RPAP1: variants seen among roughly 807,000 people sequenced by gnomAD.
RPAP1 encodes RNA polymerase II associated protein 1.
A neutral mutation model predicts 142.4 loss-of-function variants in RPAP1; 109 were observed. The observed-to-expected ratio is 0.77, with a 90% CI of 0.66 to 0.90. RPAP1 has a LOEUF of 0.90. Among genes scored for constraint, RPAP1 ranks in the 40% least tolerant of loss-of-function variants. The pLI, the probability that RPAP1 is intolerant of heterozygous loss-of-function variation, is 0.00. For synonymous variants in RPAP1, 704 were observed against 738.9 expected (o/e 0.95, Z 0.77); for missense variants, 1,546 against 1,751.7 (o/e 0.88, Z 2.10).
intron 3 of RPAP1, 101 bp downstream of exon 3, chr15:41,536,400 T>G: frequency 6.7e-7 from 1 of 1,500,856 alleles, no homozygotes; most frequent in Non-Finnish European, 9.1e-7. Context: ...AAAGTCTACC[T>G]TTCTGAAGCA....
chr15:41,535,398 T>G, intron 5 of RPAP1, 114 bp downstream of exon 5: 232 of 1,417,898 alleles, frequency 1.6e-4, no homozygotes, highest in Middle Eastern at 2.6e-4. Flanking sequence ...TCAGACTACT[T>G]GAGATGGCTC....
At position 41,527,290 on chromosome 15, in the gene RPAP1, A is replaced by T; in HGVS notation, c.1623T>A (p.Ala541=). ...ARHDVIKGLL[A]TSLLPRLRYV... ...AGCGCAGCCGAGGCAGCAGGCTGGTAGCCAGGAGCCCCTGGGAGTTGGAGA... is the reference window on the plus strand; with the variant it reads ...AGCGCAGCCGAGGCAGCAGGCTGGTTGCCAGGAGCCCCTGGGAGTTGGAGA... Residue 541 remains alanine (A), a synonymous_variant, in exon 13 of 25, where the codon GCT becomes GCA. Coordinates refer to ENST00000304330, the MANE Select transcript of RPAP1 (RefSeq NM_015540.4). The T allele has an allele frequency of 6.2e-7, 1 of 1,614,168 alleles. No individual in the cohort carries two copies. Among genetic ancestry groups the T allele is most frequent in the Non-Finnish European group, 8.5e-7 (1 of 1,180,036 alleles).
In RPAP1 at chr15:41,521,076, G is replaced by A. The variant is rs1249459573; in HGVS notation, c.3110C>T (p.Pro1037Leu). Reference sequence around the variant, plus strand: ...CAGCAGAGTCCCTTGCCCACACCGAGGGACCCTGCTGCTTCCTAACGACAG... The same window carrying A: ...CAGCAGAGTCCCTTGCCCACACCGAAGGACCCTGCTGCTTCCTAACGACAG... ...DQLSLGSSRV[P>L]RCGQGTLLAQ... Residue 1037 changes from proline to leucine, a missense_variant, in exon 22 of 25, where the codon CCT becomes CTT. Pro to Leu is a moderately conservative substitution (Grantham distance 98). This residue lies in a region of RPAP1 where 1,333 missense variants were observed against 1,486.6 expected (regional missense o/e 0.90). Coordinates refer to ENST00000304330, the MANE Select transcript of RPAP1 (RefSeq NM_015540.4). 2 of 1,541,918 alleles carry A rather than the reference G, an allele frequency of 1.3e-6. No homozygotes were observed. The highest frequency in any genetic ancestry group is 2.3e-5 in the East Asian group (1 of 44,306).
chr15:41,520,840 T>A lies in RPAP1; in HGVS notation c.3346A>T (p.Thr1116Ser). The A allele has an allele frequency of 6.2e-7, 1 of 1,613,456 alleles. No homozygotes were observed. The highest frequency in any genetic ancestry group is 1.1e-5 in the South Asian group (1 of 91,064). The stretch of plus-strand genomic sequence containing the variant: ...TCTGTGGGAGAGAGTCCCGAGGGGG[T>A]GTCTGAAGCCCGGTGGTAGAGGCGA... ...LIRLYHRASD[T>S]PSGLSPTDTM... The change falls in exon 22 of 25, where the codon ACC (threonine) becomes TCC (serine). Residue 1116 changes from threonine to serine, a missense_variant. Thr to Ser is a moderately conservative substitution (Grantham distance 58, BLOSUM62 1). Coordinates refer to ENST00000304330, the MANE Select transcript of RPAP1 (RefSeq NM_015540.4).
intron 19 of RPAP1, 80 bp downstream of exon 19, chr15:41,522,685 C>A: frequency 1.3e-6 from 1 of 786,182 alleles, no homozygotes; most frequent in Non-Finnish European, 2.0e-6. Flanking sequence ...CCACCGCGCC[C>A]ATCCCACCCT....
intron 19 of RPAP1, 178 bp downstream of exon 19, chr15:41,522,587 T>C: frequency 1.7e-6 from 1 of 582,574 alleles, no homozygotes. Context: ...ATGGGGTTTC[T>C]CCATGTTGGC....
intron 6 of RPAP1, 92 bp downstream of exon 6, chr15:41,534,622 C>T (rs1337934553): frequency 5.8e-6 from 3 of 514,292 alleles, no homozygotes; most frequent in Non-Finnish European, 1.1e-5. Context: ...TTAAAGTACT[C>T]AGCACAGTGC....
chr15:41,526,400 C>G (rs2051790998), intron 14 of RPAP1, among the ~76,000 whole-genome samples: 1 of 152,210 alleles, frequency 6.6e-6, no homozygotes, highest in East Asian at 1.9e-4. Flanking sequence ...TCATGTGCTA[C>G]CACATCTAGC....
chr15:41,529,424 G>T, intron 9 of RPAP1, 46 bp downstream of exon 9: 2 of 1,263,098 alleles, frequency 1.6e-6, no homozygotes, highest in Non-Finnish European at 2.3e-6. Flanking sequence ...CTTTTCCATG[G>T]GGTTGTTAAA....
intron 1 of RPAP1, among the ~76,000 whole-genome samples, chr15:41,538,807 GA>G (rs2051941291): frequency 6.6e-6 from 1 of 152,170 alleles, no homozygotes; most frequent in African/African-American, 2.4e-5. Flanking sequence ...AAAAAGGAAT[GA>G]AGTTCCAATG....
intron 9 of RPAP1, 81 bp from the exon 10 acceptor site, chr15:41,528,417 G>T: frequency 1.0e-6 from 1 of 984,334 alleles, no homozygotes; most frequent in Non-Finnish European, 1.6e-6. Flanking sequence ...TCACAGGAAA[G>T]ACAAAGATAA....
At chr15:41,529,769 G>T in intron 8 of RPAP1, 95 bp downstream of exon 8, 1 of 937,060 alleles carries the variant, frequency 1.1e-6, no homozygotes, top group East Asian at 2.6e-5. Context: ...CTCAGGCTCT[G>T]GGCAATAGAA....
intron 20 of RPAP1, 50 bp from the exon 21 acceptor site, chr15:41,521,930 G>T (rs767147228): frequency 6.3e-7 from 1 of 1,596,404 alleles, no homozygotes; most frequent in East Asian, 2.2e-5. Flanking sequence ...AGGGGACGTG[G>T]CAGAGAGAAG....
chr15:41,535,053 C>T (rs2051893788), intron 5 of RPAP1, 118 bp from the exon 6 acceptor site: 2 of 924,200 alleles, frequency 2.2e-6, no homozygotes, highest in South Asian at 3.4e-5. Context: ...AAACTTTCCT[C>T]AGAGTGGAGA....
chr15:41,539,378 T>A (rs749583027), intron 1 of RPAP1, among the ~76,000 whole-genome samples: 58 of 152,198 alleles, frequency 3.8e-4, no homozygotes, highest in Non-Finnish European at 7.4e-4. Context: ...CACTGCAACC[T>A]CTGACTCCTA....
In RPAP1 at chr15:41,529,930, A is replaced by G; in HGVS notation, c.993T>C (p.Thr331=). 1 of 1,614,132 alleles carries G rather than the reference A, an allele frequency of 6.2e-7. No individual in the cohort carries two copies. Among genetic ancestry groups the G allele is most frequent in the Admixed American group, 1.7e-5 (1 of 60,018 alleles). Residue 331 remains threonine (T), a synonymous_variant, in exon 8 of 25, where the codon ACT becomes ACC. Transcript: ENST00000304330. Reference sequence around the variant, plus strand: ...TCCAGTGGAGCTTCTCCAGCTCGACAGTGTCCATGTGCAGCCATTCTTTCT... The same window carrying G: ...TCCAGTGGAGCTTCTCCAGCTCGACGGTGTCCATGTGCAGCCATTCTTTCT... The part of the protein sequence containing the change: ...TPQKEWLHMD[T]VELEKLHWTQ...
Position 41,527,201 on chromosome 15 carries a change from C to T in RPAP1, c.1712G>A (p.Arg571His), listed in dbSNP as rs766662664. The change falls in exon 13 of 25, where the codon CGC becomes CAC. Residue 571 changes from arginine (R) to histidine (H), a missense_variant. Physicochemically the swap from Arg to His is conservative, Grantham distance 29 (BLOSUM62 0). Around this residue, in one of 3 missense-constraint regions of RPAP1, gnomAD observed 1,333 missense variants for 1,486.6 expected, o/e 0.90. Transcript: ENST00000304330. ...VVLDILAVLIRLARHSLESAT... is the reference protein window; with the variant it reads ...VVLDILAVLIHLARHSLESAT... ...TGATTCCAGGGAATGCCGGGCCAGG[C>T]GGATGAGCACAGCCAGGATGTCAAG... 4 of 1,614,054 alleles carry T rather than the reference C, an allele frequency of 2.5e-6. No individual in the cohort carries two copies. Among genetic ancestry groups the T allele is most frequent in the Non-Finnish European group, 3.4e-6 (4 of 1,180,038 alleles).
intron 1 of RPAP1, among the ~76,000 whole-genome samples, chr15:41,543,615 G>T (rs1007702558): frequency 6.6e-6 from 1 of 152,112 alleles, no homozygotes; most frequent in South Asian, 2.1e-4. Flanking sequence ...CACGCAAAAC[G>T]CCTAGCCCAG....
intron 19 of RPAP1, 182 bp downstream of exon 19, chr15:41,522,582 GT>G: frequency 1.7e-6 from 1 of 578,054 alleles, no homozygotes; most frequent in Admixed American, 3.5e-5. Context: ...TAGAGATGGG[GT>G]TTCTCCATGT....
Sources: allele counts gnomAD v4.1 joint callset (sites outside exome capture counted in the v4.1 genomes callset), GRCh38; gene constraint gnomAD v4.1.1; regional missense constraint gnomAD v4.1.1; transcripts MANE v1.5; gene names NCBI Gene and HGNC (gene_info 2026-07-23, HGNC 2026-07-21).